LRRC28: variants seen among roughly 807,000 people sequenced by gnomAD.
LRRC28 encodes leucine rich repeat containing 28.
In LRRC28, 39 loss-of-function variants were observed where a neutral mutation model predicts 45.7. The ratio of observed to expected loss-of-function variants is 0.85; its 90% CI spans 0.66 to 1.12. The LOEUF is 1.12. LRRC28 is among the 50% of genes most tolerant of loss of function. The pLI is 0.00. For missense variants in LRRC28, 435 were observed against 438.5 expected, an observed-to-expected ratio of 0.99 and a Z score of 0.07; for synonymous variants, 206 against 178.8, an observed-to-expected ratio of 1.15 and a Z score of -1.22.
At chr15:99,252,608 C>G (rs2080869248) in intron 1 of LRRC28, among the ~76,000 whole-genome samples, 1 of 152,208 alleles carries the variant, frequency 6.6e-6, no homozygotes, top group African/African-American at 2.4e-5. Context: ...ACAAAACGGG[C>G]TACATAATGT....
chr15:99,259,993 A>G, intron 2 of LRRC28: 1 of 623,850 alleles, frequency 1.6e-6, no homozygotes, highest in Non-Finnish European at 3.0e-6. Context: ...CAGCAAAGGA[A>G]TCTACAGCTG....
At chr15:99,369,692 T>G (rs559235850) in intron 9 of LRRC28, among the ~76,000 whole-genome samples, 2 of 152,184 alleles carry the variant, frequency 1.3e-5, no homozygotes, top group Non-Finnish European at 2.9e-5. Flanking sequence ...AAAAAATGCC[T>G]TTACAGCAAC....
At chr15:99,304,305 T>C (rs1389749669) in intron 5 of LRRC28, among the ~76,000 whole-genome samples, 1 of 152,244 alleles carries the variant, frequency 6.6e-6, no homozygotes, top group Admixed American at 6.5e-5. Context: ...ATTTATCAGA[T>C]ATATGATTTG....
chr15:99,314,031 T>C (rs1955507176), intron 5 of LRRC28, among the ~76,000 whole-genome samples: 1 of 152,220 alleles, frequency 6.6e-6, no homozygotes, highest in Non-Finnish European at 1.5e-5. Flanking sequence ...TGAATAGTTG[T>C]TTTTCAGAGT....
chr15:99,253,063 AAAAC>A (rs1242885336), intron 1 of LRRC28, among the ~76,000 whole-genome samples: 2 of 152,212 alleles, frequency 1.3e-5, no homozygotes, highest in South Asian at 2.1e-4. Context: ...CTACGAAGAA[AAAAC>A]AAACAGCCAA....
intron 6 of LRRC28, among the ~76,000 whole-genome samples, chr15:99,334,393 G>C (rs922042367): frequency 1.4e-5 from 2 of 144,146 alleles, no homozygotes; most frequent in African/African-American, 5.4e-5. Flanking sequence ...TCAGAGAAAG[G>C]AATTAAAGAG....
At chr15:99,336,272 C>T (rs1956318085) in intron 6 of LRRC28, among the ~76,000 whole-genome samples, 1 of 152,148 alleles carries the variant, frequency 6.6e-6, no homozygotes, top group Non-Finnish European at 1.5e-5. Context: ...TATTGGCAAC[C>T]TAATTTTATA....
At chr15:99,384,103 C>T (rs955414408) in intron 9 of LRRC28, among the ~76,000 whole-genome samples, 1 of 152,164 alleles carries the variant, frequency 6.6e-6, no homozygotes, top group Admixed American at 6.5e-5. Context: ...CAGGAGTAGA[C>T]CTTTCAATGA....
chr15:99,352,317 A>G (rs567748631), intron 6 of LRRC28, 52 bp from the exon 7 acceptor site: 1 of 1,182,616 alleles, frequency 8.5e-7, no homozygotes, highest in Non-Finnish European at 1.2e-6. Flanking sequence ...TATATTTCAC[A>G]TTATAATGGT....
At chr15:99,333,350 A>C (rs1265837287) in intron 5 of LRRC28, among the ~76,000 whole-genome samples, 1 of 152,254 alleles carries the variant, frequency 6.6e-6, no homozygotes, top group Non-Finnish European at 1.5e-5. Flanking sequence ...AAGGTGCCGC[A>C]TGCCTAAACG....
chr15:99,367,332 T>C (rs1027776161), intron 9 of LRRC28, among the ~76,000 whole-genome samples: 3 of 152,228 alleles, frequency 2.0e-5, no homozygotes, highest in Non-Finnish European at 2.9e-5. Flanking sequence ...AGAGGTTTAT[T>C]TGGCTCATGC....
chr15:99,330,197 A>G (rs1488433974), intron 5 of LRRC28, among the ~76,000 whole-genome samples: 3 of 152,148 alleles, frequency 2.0e-5, no homozygotes, highest in Non-Finnish European at 4.4e-5. Flanking sequence ...CAGGATTTCA[A>G]CATTTGGCAT....
intron 5 of LRRC28, among the ~76,000 whole-genome samples, chr15:99,315,760 G>A (rs990702664): frequency 6.6e-6 from 1 of 152,142 alleles, no homozygotes; most frequent in Admixed American, 6.6e-5. Flanking sequence ...ATTAAGGTAA[G>A]GTATCAGAAA....
intron 2 of LRRC28, among the ~76,000 whole-genome samples, chr15:99,262,895 C>T (rs1168741126): frequency 6.6e-6 from 1 of 151,968 alleles, no homozygotes; most frequent in Non-Finnish European, 1.5e-5. Context: ...AGTGATACTC[C>T]TGCCTTAGCC....
chr15:99,323,852 T>G lies in LRRC28; in HGVS notation c.386-10071T>G, dbSNP rs111257251. On this transcript the variant is annotated intron_variant, in intron 5 of 9. Transcript: ENST00000301981. ...GTTACTCTTTTTTCTTTAACAGCAA[T>G]TCGATGATCTAAATAGTTGAGTAAA... Among the ~76,000 whole-genome samples, 12 of 152,310 alleles carry G rather than the reference T, an allele frequency of 7.9e-5. 2 individuals are homozygous for G. Among genetic ancestry groups the G allele is most frequent in the African/African-American group, 2.9e-4 (12 of 41,566 alleles).
intron 2 of LRRC28, among the ~76,000 whole-genome samples, chr15:99,271,575 C>T (rs550146102): frequency 2.1e-3 from 326 of 151,936 alleles, no homozygotes; most frequent in Non-Finnish European, 3.5e-3. Context: ...CCGCATCCAG[C>T]CCTATTTTTC....
At position 99,351,678 on chromosome 15, in the gene LRRC28, C is replaced by A. The variant is rs28613270; in HGVS notation, c.593-691C>A. 9.5e-3 allele frequency among the ~76,000 whole-genome samples: 1,450 copies of A among 152,230 alleles called. 13 individuals carry two copies. The highest frequency in any genetic ancestry group is 0.033 in the African/African-American group (1,359 of 41,516). Reference sequence around the variant, plus strand: ...CCTAATCCTCCTCCATCCACCTTTGCCCATGGGAGGTGAGACACAGGAAAT... The same window carrying A: ...CCTAATCCTCCTCCATCCACCTTTGACCATGGGAGGTGAGACACAGGAAAT... On this transcript the variant is annotated intron_variant, in intron 6 of 9. Coordinates refer to ENST00000301981, the MANE Select transcript of LRRC28 (RefSeq NM_144598.5).
Position 99,256,008 on chromosome 15 carries a change from C to T in LRRC28, c.51C>T (p.His17=). The T allele has an allele frequency of 6.2e-7, 1 of 1,613,272 alleles. No homozygotes were observed. The highest frequency in any genetic ancestry group is 1.1e-5 in the South Asian group (1 of 91,050). ...KTISVARLEK[H]KNLFLNYRNL... is the part of the protein sequence containing the mutation. Reference sequence around the variant, plus strand: ...TCTCTGTGGCAAGGCTAGAAAAGCACAAGAATTTGTTCTTAAATTATAGGA... The same window carrying T: ...TCTCTGTGGCAAGGCTAGAAAAGCATAAGAATTTGTTCTTAAATTATAGGA... The change falls in exon 2 of 10, where the codon CAC becomes CAT. Residue 17 remains histidine, a synonymous_variant. Transcript: ENST00000301981.
In LRRC28 at chr15:99,306,032, G is replaced by C. The variant is rs75896488; in HGVS notation, c.385+18081G>C. ...GAAGAATACTTTTGTTAAACATTTG[G>C]ATTTTTCCCTTTTGTCTTCATTTAA... On this transcript the variant is annotated intron_variant, in intron 5 of 9. Coordinates refer to ENST00000301981, the MANE Select transcript of LRRC28 (RefSeq NM_144598.5). 7.0e-3 allele frequency among the ~76,000 whole-genome samples: 1,060 copies of C among 152,238 alleles called. 16 individuals are homozygous for C. The highest frequency in any genetic ancestry group is 0.024 in the African/African-American group (1,000 of 41,522).
Sources: gnomAD v4.1 joint callset for allele counts (sites outside exome capture counted in the v4.1 genomes callset) on GRCh38, gnomAD v4.1.1 for gene constraint, MANE v1.5 for transcripts, NCBI Gene and HGNC (gene_info 2026-07-23, HGNC 2026-07-21) for gene names.